Variants in IL1RAPL1 observed in about 807,000 individuals in gnomAD.
IL1RAPL1 encodes interleukin 1 receptor accessory protein like 1, also known as interleukin-1 receptor accessory protein-like 1.
In IL1RAPL1, 3 loss-of-function variants were observed where a neutral mutation model predicts 48.4. The ratio of observed to expected loss-of-function variants is 0.06; its 90% confidence interval spans 0.03 to 0.16. IL1RAPL1 has a LOEUF of 0.16. IL1RAPL1 is among the 10% of genes least tolerant of loss of function. The pLI is 1.00. For synonymous variants in IL1RAPL1, 185 were observed against 187.7 expected (o/e 0.99, Z 0.12); for missense variants, 349 against 530.6 (o/e 0.66, Z 3.36).
chrX:28,694,040 G>A (rs761617335), intron 1 of IL1RAPL1, among the ~76,000 whole-genome samples: 4 of 111,443 alleles, frequency 3.6e-5, no homozygotes, highest in South Asian at 3.8e-4. Context: ...TGTCGAACAC[G>A]TGCTTTACCT....
chrX:29,684,911 T>G (rs1926572716), intron 6 of IL1RAPL1, among the ~76,000 whole-genome samples: 1 of 112,422 alleles, frequency 8.9e-6, no homozygotes, highest in Non-Finnish European at 1.9e-5. Flanking sequence ...AATAATTGAC[T>G]TGTCAATTTA....
chrX:29,540,182 G>A (rs896247489), intron 5 of IL1RAPL1, among the ~76,000 whole-genome samples: 25 of 110,508 alleles, frequency 2.3e-4, no homozygotes, highest in African/African-American at 7.9e-4. Context: ...ATTTTCAATA[G>A]TGACAAAAAA....
chrX:29,670,901 T>C (rs555237391), intron 6 of IL1RAPL1, among the ~76,000 whole-genome samples: 7 of 111,848 alleles, frequency 6.3e-5, no homozygotes, highest in African/African-American at 1.6e-4. Context: ...TTGAAAACCT[T>C]CAACAGAATT....
At chrX:29,489,979 C>T (rs1449619126) in intron 5 of IL1RAPL1, among the ~76,000 whole-genome samples, 1 of 111,290 alleles carries the variant, frequency 9.0e-6, no homozygotes, top group Non-Finnish European at 1.9e-5. Flanking sequence ...GTTCAAAGAT[C>T]ACCTTATTTA....
At chrX:29,089,038 T>G (rs955407031) in intron 2 of IL1RAPL1, among the ~76,000 whole-genome samples, 3 of 111,343 alleles carry the variant, frequency 2.7e-5, no homozygotes, top group African/African-American at 9.8e-5. Context: ...TTTTGATGCC[T>G]TTTGTCCTAG....
At chrX:29,883,505 A>G (rs1186644287) in intron 6 of IL1RAPL1, among the ~76,000 whole-genome samples, 1 of 112,133 alleles carries the variant, frequency 8.9e-6, no homozygotes, top group African/African-American at 3.2e-5. Context: ...AGTGTAGTGA[A>G]CTTGCTCTGC....
intron 1 of IL1RAPL1, among the ~76,000 whole-genome samples, chrX:28,598,620 T>C (rs1253247986): frequency 1.1e-5 from 1 of 89,665 alleles, no homozygotes; most frequent in Non-Finnish European, 2.2e-5. Flanking sequence ...AGTATAGAAA[T>C]TTGTAGGTTT....
intron 5 of IL1RAPL1, among the ~76,000 whole-genome samples, chrX:29,609,055 A>G (rs1223108248): frequency 9.0e-6 from 1 of 111,692 alleles, no homozygotes; most frequent in Non-Finnish European, 1.9e-5. Flanking sequence ...TGCATAATTT[A>G]TGCTGATAAC....
chrX:28,893,228 A>T (rs1285297924), intron 2 of IL1RAPL1, among the ~76,000 whole-genome samples: 1 of 111,817 alleles, frequency 8.9e-6, no homozygotes, highest in Non-Finnish European at 1.9e-5. Context: ...TGTACCTTGT[A>T]GCATTCTGAG....
At chrX:29,101,214 AC>A (rs1489051805) in intron 2 of IL1RAPL1, among the ~76,000 whole-genome samples, 1 of 112,390 alleles carries the variant, frequency 8.9e-6, no homozygotes, top group Non-Finnish European at 1.9e-5. Context: ...ATTAGAGGCT[AC>A]TATGAGCAAC....
chrX:29,658,805 A>G lies in IL1RAPL1; in HGVS notation c.704-9625A>G, dbSNP rs550568702. Among the ~76,000 whole-genome samples, 8 of 112,054 alleles carry G rather than the reference A, an allele frequency of 7.1e-5. No homozygotes were observed. In the South Asian group the frequency reaches 3.0e-3, roughly 41 times the overall value. On this transcript the variant is annotated intron_variant, in intron 5 of 10. Transcript: ENST00000378993. ...TAGCCCTCATCTCAAATATTTACCAATTCTTTATGTTGGTGGGAACATTAC... is the reference window on the plus strand; with the variant it reads ...TAGCCCTCATCTCAAATATTTACCAGTTCTTTATGTTGGTGGGAACATTAC...
intron 1 of IL1RAPL1, among the ~76,000 whole-genome samples, chrX:28,666,660 ATTTC>A (rs1453794252): frequency 3.6e-5 from 4 of 111,773 alleles, no homozygotes; most frequent in African/African-American, 6.5e-5. Flanking sequence ...AAAAAACCAT[ATTTC>A]TTTTGGTCCT....
At chrX:29,212,875 A>G (rs546183392) in intron 2 of IL1RAPL1, among the ~76,000 whole-genome samples, 1 of 112,483 alleles carries the variant, frequency 8.9e-6, no homozygotes, top group East Asian at 2.8e-4. Flanking sequence ...GAGAAGGAAC[A>G]GGAGGAGTTG....
At chrX:28,763,380 C>T (rs770580556) in intron 1 of IL1RAPL1, among the ~76,000 whole-genome samples, 3 of 111,884 alleles carry the variant, frequency 2.7e-5, no homozygotes, top group Non-Finnish European at 3.8e-5. Flanking sequence ...GTCATGCATG[C>T]GGCTTTGTTG....
intron 2 of IL1RAPL1, among the ~76,000 whole-genome samples, chrX:29,034,794 T>G (rs1265659332): frequency 9.0e-6 from 1 of 111,710 alleles, no homozygotes; most frequent in Non-Finnish European, 1.9e-5. Context: ...CCAGTGTTTT[T>G]AATTCCCAAT....
At chrX:29,351,546 G>A (rs766562712) in intron 3 of IL1RAPL1, among the ~76,000 whole-genome samples, 69 of 112,201 alleles carry the variant, frequency 6.1e-4, no homozygotes, top group Non-Finnish European at 8.3e-4. Flanking sequence ...TTCCCTTTGC[G>A]TTCATTTTCA....
At chrX:29,205,089 G>A (rs751281229) in intron 2 of IL1RAPL1, among the ~76,000 whole-genome samples, 40 of 111,563 alleles carry the variant, frequency 3.6e-4, no homozygotes, top group African/African-American at 1.3e-3. Context: ...ATTTGTTCAA[G>A]TCTCTTATTA....
chrX:29,043,201 A>G (rs1191648793), intron 2 of IL1RAPL1, among the ~76,000 whole-genome samples: 1 of 111,560 alleles, frequency 9.0e-6, no homozygotes, highest in African/African-American at 3.3e-5. Context: ...ACATTTCTCT[A>G]TGGCTGCCAT....
chrX:29,604,454 T>G (rs774619796), intron 5 of IL1RAPL1, among the ~76,000 whole-genome samples: 10 of 111,726 alleles, frequency 9.0e-5, no homozygotes, highest in Admixed American at 1.9e-4. Flanking sequence ...TATTTATTTT[T>G]TTGAGAGGTA....
Sources: gnomAD v4.1 joint callset for allele counts (sites outside exome capture counted in the v4.1 genomes callset) on GRCh38, gnomAD v4.1.1 for gene constraint, MANE v1.5 for transcripts, NCBI Gene and HGNC (gene_info 2026-07-23, HGNC 2026-07-21) for gene names.